MGAM2: variants seen among roughly 807,000 people sequenced by gnomAD.
MGAM2 encodes the protein probable maltase-glucoamylase 2.
In MGAM2, 98 loss-of-function variants were observed where a neutral mutation model predicts 96.1. That is an observed-to-expected ratio of 1.02 (90% CI 0.87 to 1.21). MGAM2 has a LOEUF of 1.21. MGAM2 is among the 50% of genes most tolerant of loss of function. The pLI, the probability that MGAM2 is intolerant of heterozygous loss-of-function variation, is 0.00. For synonymous variants in MGAM2, 749 were observed against 414.8 expected (o/e 1.81, Z -9.79); for missense variants, 2,055 against 1,182.4 (o/e 1.74, Z -10.82).
chr7:142,201,229 C>A (rs953094012), intron 45 of MGAM2, among the ~76,000 whole-genome samples: 1 of 151,636 alleles, frequency 6.6e-6, no homozygotes, highest in Non-Finnish European at 1.5e-5. Flanking sequence ...TGGCACAACA[C>A]CCACTAATTT....
At chr7:142,213,703 C>G (rs1797662747) in intron 46 of MGAM2, among the ~76,000 whole-genome samples, 1 of 152,110 alleles carries the variant, frequency 6.6e-6, no homozygotes, top group Non-Finnish European at 1.5e-5. Context: ...ACCAAAACAG[C>G]CCAGGACCAG....
intron 31 of MGAM2, among the ~76,000 whole-genome samples, chr7:142,175,267 ACCC>A (rs1383367405): frequency 1.3e-5 from 2 of 152,114 alleles, no homozygotes; most frequent in Non-Finnish European, 2.9e-5. Flanking sequence ...GTAGAAAAAA[ACCC>A]CAGATATACA....
intron 8 of MGAM2, 139 bp from the exon 9 acceptor site, chr7:142,137,294 T>G (rs1316589815): frequency 2.2e-6 from 1 of 451,472 alleles, no homozygotes; most frequent in East Asian, 3.4e-5. Flanking sequence ...ACAACGATCC[T>G]CTGATAAAAA....
intron 23 of MGAM2, among the ~76,000 whole-genome samples, chr7:142,164,467 A>G (rs1421060496): frequency 6.6e-6 from 1 of 152,150 alleles, no homozygotes; most frequent in East Asian, 1.9e-4. Context: ...TATTAGTAAA[A>G]TAAAAGGAAG....
chr7:142,211,191 C>A (rs1211740839), intron 46 of MGAM2, among the ~76,000 whole-genome samples: 1 of 152,156 alleles, frequency 6.6e-6, no homozygotes, highest in Non-Finnish European at 1.5e-5. Flanking sequence ...CGAAGGTCAC[C>A]AACAGCAAAG....
At chr7:142,135,334 T>C (rs1795026717) in intron 7 of MGAM2, among the ~76,000 whole-genome samples, 1 of 152,242 alleles carries the variant, frequency 6.6e-6, no homozygotes, top group Non-Finnish European at 1.5e-5. Flanking sequence ...TGAATCGTAC[T>C]ACGTTTGACT....
intron 46 of MGAM2, among the ~76,000 whole-genome samples, chr7:142,213,361 C>CA (rs949650354): frequency 3.3e-5 from 5 of 151,994 alleles, no homozygotes; most frequent in African/African-American, 1.2e-4. Context: ...AAATACCCTT[C>CA]AAAAAAATCA....
At chr7:142,158,207 T>G in intron 18 of MGAM2, 41 bp from the exon 19 acceptor site, 1 of 702,846 alleles carries the variant, frequency 1.4e-6, no homozygotes, top group South Asian at 1.5e-5. Context: ...TGTCCTGTAT[T>G]AGAGACTTCA....
intron 37 of MGAM2, 42 bp from the exon 38 acceptor site, chr7:142,196,112 A>G: frequency 1.3e-6 from 1 of 798,984 alleles, no homozygotes; most frequent in South Asian, 1.4e-5. Context: ...TCTGTAAAGG[A>G]GTTTGTTTCT....
intron 15 of MGAM2, among the ~76,000 whole-genome samples, chr7:142,153,782 G>T (rs1795651985): frequency 6.6e-6 from 1 of 152,226 alleles, no homozygotes; most frequent in Non-Finnish European, 1.5e-5. Flanking sequence ...GAAGCCTAGA[G>T]AAATTGCTAT....
chr7:142,154,802 C>A lies in MGAM2; in HGVS notation c.1880C>A (p.Ala627Glu). 2 of 703,508 alleles carry A rather than the reference C, an allele frequency of 2.8e-6. No homozygotes were observed. Among genetic ancestry groups the A allele is most frequent in the South Asian group, 3.0e-5 (2 of 67,594 alleles). The allele number at this position is 703,508 out of a possible 1,614,324, so 43.6% of individuals were successfully genotyped here. The change falls in exon 17 of 48, where the codon GCA (alanine) becomes GAA (glutamate). Residue 627 changes from alanine to glutamate, a missense_variant. Physicochemically the swap from Ala to Glu is moderately radical, Grantham distance 107. Transcript: ENST00000477922. ...ELCRRWMQLG[A>E]FYPLPRNHNG... Reference sequence around the variant, plus strand: ...TGCAGAAGGTGGATGCAGCTTGGAGCATTTTATCCACTACCAAGGAATCAC... The same window carrying A: ...TGCAGAAGGTGGATGCAGCTTGGAGAATTTTATCCACTACCAAGGAATCAC...
At chr7:142,151,515 T>C (rs186601101) in intron 15 of MGAM2, among the ~76,000 whole-genome samples, 14 of 152,316 alleles carry the variant, frequency 9.2e-5, no homozygotes, top group African/African-American at 2.9e-4. Context: ...ATCTCTGAAA[T>C]GAGACTCGGA....
intron 3 of MGAM2, among the ~76,000 whole-genome samples, chr7:142,129,125 T>C (rs1794809486): frequency 6.6e-6 from 1 of 152,212 alleles, no homozygotes; most frequent in Admixed American, 6.5e-5. Flanking sequence ...AGGAGATTAT[T>C]TCAGAGCTTT....
intron 46 of MGAM2, among the ~76,000 whole-genome samples, chr7:142,209,626 G>A (rs1051094561): frequency 3.9e-5 from 6 of 152,114 alleles, no homozygotes; most frequent in African/African-American, 1.4e-4. Flanking sequence ...ATTTGAAGAT[G>A]TCTCTCAGTT....
Position 142,197,418 on chromosome 7 carries a change from T to C in MGAM2, c.4651T>C (p.Trp1551Arg). Reference protein sequence around the residue: ...IGTRRQDPVAWNSTFEMLSRK... With the variant: ...IGTRRQDPVARNSTFEMLSRK... ...CTTACAGAGACAAGATCCTGTGGCC[T>C]GGAATTCAACCTTTGAGATGTTGTC... Residue 1551 changes from tryptophan (W) to arginine (R), a missense_variant, in exon 41 of 48, where the codon TGG becomes CGG. Transcript: ENST00000477922. 1 of 703,030 alleles carries C rather than the reference T, an allele frequency of 1.4e-6. No homozygotes were observed. Among genetic ancestry groups the C allele is most frequent in the South Asian group, 1.5e-5 (1 of 67,602 alleles). The allele number at this position is 703,030 out of a possible 1,614,324, so 43.5% of individuals were successfully genotyped here.
chr7:142,217,769 T>C (rs1448855439), intron 46 of MGAM2, among the ~76,000 whole-genome samples: 2 of 152,106 alleles, frequency 1.3e-5, no homozygotes, highest in Non-Finnish European at 2.9e-5. Flanking sequence ...AAGAGAATAT[T>C]TGAAATGTTT....
At chr7:142,178,433 G>C (rs1201981554) in intron 32 of MGAM2, among the ~76,000 whole-genome samples, 1 of 152,026 alleles carries the variant, frequency 6.6e-6, no homozygotes, top group African/African-American at 2.4e-5. Context: ...TATTTGCTAA[G>C]GCCAATGTCA....
intron 4 of MGAM2, 95 bp downstream of exon 4, chr7:142,131,166 G>GTGGT: frequency 4.6e-6 from 3 of 655,306 alleles, no homozygotes; most frequent in Non-Finnish European, 8.4e-6. Context: ...TCAGGCAGGC[G>GTGGT]TGGTGGCTCA....
chr7:142,118,645 T>C (rs1426663555), intron 2 of MGAM2, among the ~76,000 whole-genome samples: 1 of 152,210 alleles, frequency 6.6e-6, no homozygotes, highest in Non-Finnish European at 1.5e-5. Context: ...AAGATGTGTA[T>C]TTCCAATGGG....
Sources: allele counts gnomAD v4.1 joint callset (sites outside exome capture counted in the v4.1 genomes callset), GRCh38; gene constraint gnomAD v4.1.1; transcripts MANE v1.5; gene names NCBI Gene and HGNC (gene_info 2026-07-23, HGNC 2026-07-21).